TMEM177: variants seen among roughly 807,000 people sequenced by gnomAD.
The protein encoded by TMEM177 is transmembrane protein 177.
A neutral mutation model predicts 14.2 loss-of-function variants in TMEM177; 4 were observed. That is an observed-to-expected ratio of 0.28 (90% CI 0.14 to 0.64). The LOEUF is 0.64. Among genes scored for constraint, TMEM177 ranks in the 30% least tolerant of loss-of-function variants. The pLI is 0.82. For missense variants in TMEM177, 344 were observed against 405.2 expected, an observed-to-expected ratio of 0.85 and a Z score of 1.30; for synonymous variants, 179 against 174.5, an observed-to-expected ratio of 1.03 and a Z score of -0.20.
the TMEM177 span, among the ~76,000 whole-genome samples, chr2:119,694,460 A>G: frequency 6.6e-6 from 1 of 152,176 alleles, no homozygotes; most frequent in African/African-American, 2.4e-5. Flanking sequence ...GTGTGGGGAG[A>G]GTGGGTCAGC....
At chr2:119,705,088 T>G in the TMEM177 span, among the ~76,000 whole-genome samples, 1 of 152,170 alleles carries the variant, frequency 6.6e-6, no homozygotes. Context: ...AATGGATGAA[T>G]GAACAAATGA....
the TMEM177 span, among the ~76,000 whole-genome samples, chr2:119,720,620 A>G: frequency 6.6e-6 from 1 of 152,202 alleles, no homozygotes; most frequent in Non-Finnish European, 1.5e-5. Context: ...ATATTGTCAT[A>G]AATATTATTT....
In TMEM177 at chr2:119,681,132, A is replaced by C; in HGVS notation, c.279A>C (p.Ala93=). The C allele has an allele frequency of 6.2e-7, 1 of 1,614,224 alleles. No individual in the cohort carries two copies. The highest frequency in any genetic ancestry group is 1.3e-5 in the African/African-American group (1 of 75,068). Residue 93 remains alanine, a synonymous_variant, in exon 2 of 2, where the codon GCA becomes GCC. Transcript: ENST00000272521. The part of the protein sequence containing the change: ...FTTFTFQPVS[A]GFPRLPAGAV... The stretch of plus-strand genomic sequence containing the variant: ...CCTTCACCTTCCAACCTGTGAGTGC[A>C]GGCTTCCCAAGACTCCCTGCTGGGG...
intron 1 of TMEM177, among the ~76,000 whole-genome samples, chr2:119,679,966 G>A (rs150448642): frequency 9.8e-5 from 15 of 152,318 alleles, no homozygotes; most frequent in Non-Finnish European, 1.6e-4. Context: ...TATGGAGGCT[G>A]GAAGTTCAAG....
downstream of TMEM177, among the ~76,000 whole-genome samples, chr2:119,683,599 A>G (rs1009298660): frequency 3.3e-5 from 5 of 152,108 alleles, no homozygotes; most frequent in African/African-American, 9.7e-5. Flanking sequence ...TGCCCGAACC[A>G]TTAGCGAAGG....
the TMEM177 span, among the ~76,000 whole-genome samples, chr2:119,700,360 G>A: frequency 1.3e-5 from 2 of 152,124 alleles, no homozygotes; most frequent in South Asian, 2.1e-4. Context: ...CTCTTGTTGG[G>A]AGCCTGAGAG....
At chr2:119,705,982 C>CTA in the TMEM177 span, among the ~76,000 whole-genome samples, 76 of 41,026 alleles carry the variant, frequency 1.9e-3, 1 homozygote, top group East Asian at 0.054. Context: ...GGCTCTCTCT[C>CTA]TCTATATATA....
At chr2:119,686,689 CCTAGT>C (rs879436068), downstream of TMEM177, among the ~76,000 whole-genome samples, 2,127 of 152,224 alleles carry the variant, frequency 0.014, 21 homozygotes, top group Non-Finnish European at 0.021. Flanking sequence ...ACCTCATCCC[CCTAGT>C]ACTGGGAATA....
chr2:119,681,165 G>A lies in TMEM177; in HGVS notation c.312G>A (p.Val104=), dbSNP rs1005712521. 8 of 1,614,110 alleles carry A rather than the reference G, an allele frequency of 5.0e-6. No individual in the cohort carries two copies. The Admixed American group carries it at 8.3e-5, about 17-fold the overall frequency. ...CAAGACTCCCTGCTGGGGCTGTGGT[G>A]GGCATCCCTGCCAGTTTCTTGGGAG... ...GFPRLPAGAV[V]GIPASFLGDL... Residue 104 remains valine (V), a synonymous_variant, in exon 2 of 2, where the codon GTG becomes GTA. Coordinates refer to ENST00000272521, the MANE Select transcript of TMEM177 (RefSeq NM_030577.3).
chr2:119,719,648 A>G, the TMEM177 span, among the ~76,000 whole-genome samples: 1 of 152,220 alleles, frequency 6.6e-6, no homozygotes. Context: ...TCAGCTTACA[A>G]TCATGAAGGG....
At chr2:119,713,606 G>A in the TMEM177 span, among the ~76,000 whole-genome samples, 15 of 152,236 alleles carry the variant, frequency 9.9e-5, no homozygotes, top group African/African-American at 1.4e-4. Flanking sequence ...TTGGGAGCCC[G>A]AGGCAGGAGG....
the TMEM177 span, among the ~76,000 whole-genome samples, chr2:119,693,872 CACA>C: frequency 2.1e-3 from 1 of 472 alleles, no homozygotes; most frequent in African/African-American, 9.6e-3. Context: ...ATGCCACAAA[CACA>C]ACACACAAAC....
At chr2:119,686,185 A>G (rs1411112422), downstream of TMEM177, 1 of 154,594 alleles carries the variant, frequency 6.5e-6, no homozygotes, top group African/African-American at 2.4e-5. Flanking sequence ...GTGCATTCCT[A>G]TCTATCTTTC....
the TMEM177 span, among the ~76,000 whole-genome samples, chr2:119,721,661 G>A: frequency 3.3e-5 from 5 of 152,098 alleles, no homozygotes; most frequent in Non-Finnish European, 7.4e-5. Flanking sequence ...ACTAACGCCG[G>A]GTATTTGTAT....
At chr2:119,704,942 T>C in the TMEM177 span, among the ~76,000 whole-genome samples, 3 of 152,208 alleles carry the variant, frequency 2.0e-5, no homozygotes, top group Non-Finnish European at 4.4e-5. Flanking sequence ...TGAATTCCCC[T>C]TCCTGTCCCT....
chr2:119,713,493 G>A, the TMEM177 span, among the ~76,000 whole-genome samples: 8 of 152,206 alleles, frequency 5.3e-5, no homozygotes, highest in South Asian at 2.1e-4. Flanking sequence ...TATTATATTC[G>A]TTATATTATT....
downstream of TMEM177, among the ~76,000 whole-genome samples, chr2:119,689,967 C>T (rs1689069241): frequency 6.6e-6 from 1 of 152,236 alleles, no homozygotes; most frequent in African/African-American, 2.4e-5. Context: ...CCAGTCTCAG[C>T]CCCCTAGAGC....
At chr2:119,684,131 C>T (rs1017989639), downstream of TMEM177, among the ~76,000 whole-genome samples, 3 of 152,196 alleles carry the variant, frequency 2.0e-5, no homozygotes, top group Non-Finnish European at 4.4e-5. Flanking sequence ...ATCTCCTGCC[C>T]ATCCGTGTCC....
downstream of TMEM177, among the ~76,000 whole-genome samples, chr2:119,691,241 C>T (rs1464722751): frequency 6.6e-6 from 1 of 152,160 alleles, no homozygotes; most frequent in Non-Finnish European, 1.5e-5. Flanking sequence ...CGTTCCTGAG[C>T]TTCTCCGTGC....
Sources: gnomAD v4.1 joint callset for allele counts (sites outside exome capture counted in the v4.1 genomes callset) on GRCh38, gnomAD v4.1.1 for gene constraint, MANE v1.5 for transcripts, NCBI Gene and HGNC (gene_info 2026-07-23, HGNC 2026-07-21) for gene names.